Variants in TUBA4B observed in about 807,000 individuals in gnomAD.
TUBA4B encodes the protein tubulin alpha 4b, also known as tubulin-like protein alpha-4B.
TUBA4B carries 13 observed loss-of-function variants against 18.4 expected under a neutral mutation model. That is an observed-to-expected ratio of 0.71 (90% confidence interval 0.46 to 1.12). The LOEUF (loss-of-function observed/expected upper bound fraction) is 1.12. TUBA4B is among the 50% of genes most tolerant of loss of function. TUBA4B has a pLI of 0.00. For synonymous variants in TUBA4B, 101 were observed against 99.1 expected (o/e 1.02, Z -0.11); for missense variants, 244 against 250.0 (o/e 0.98, Z 0.16).
At chr2:219,254,040 C>T in intron 1 of TUBA4B, 3 of 544,566 alleles carry the variant, frequency 5.5e-6, no homozygotes, top group Non-Finnish European at 9.2e-6. Flanking sequence ...AGCGGCCCCC[C>T]CGAGGGGCGG....
Position 219,271,294 on chromosome 2 carries a change from A to G in TUBA4B, c.321A>G (p.Gly107=). The G allele has an allele frequency of 6.4e-7, 1 of 1,551,958 alleles. No homozygotes were observed. The highest frequency in any genetic ancestry group is 8.9e-7 in the Non-Finnish European group (1 of 1,123,640). ...ACTATGGCAAGAAATCCAAGCTGGG[A>G]TTCTCCATCTACCCAGCCCCCCAGG... ...SVNYGKKSKL[G]FSIYPAPQVS... is the part of the protein sequence containing the mutation. Residue 107 remains glycine (G), a synonymous_variant, in exon 4 of 4, where the codon GGA becomes GGG. Coordinates refer to ENST00000490341, the MANE Select transcript of TUBA4B (RefSeq NM_001355221.1).
At chr2:219,255,659 C>G (rs1410054779) in intron 1 of TUBA4B, among the ~76,000 whole-genome samples, 1 of 152,206 alleles carries the variant, frequency 6.6e-6, no homozygotes, top group African/African-American at 2.4e-5. Context: ...CCTGAGCAAC[C>G]ACCCCAGCCT....
At chr2:219,267,569 G>A (rs1559281643) in intron 2 of TUBA4B, among the ~76,000 whole-genome samples, 1 of 150,946 alleles carries the variant, frequency 6.6e-6, no homozygotes, top group African/African-American at 2.4e-5. Flanking sequence ...CAGAGGCTGA[G>A]TTCTTTTTTT....
At chr2:219,266,938 C>T (rs943459427) in intron 2 of TUBA4B, among the ~76,000 whole-genome samples, 2 of 152,118 alleles carry the variant, frequency 1.3e-5, no homozygotes, top group Non-Finnish European at 2.9e-5. Context: ...GGCCTTGCCA[C>T]AGGTTCACTG....
chr2:219,255,419 G>C (rs1296288114), intron 1 of TUBA4B, among the ~76,000 whole-genome samples: 1 of 152,134 alleles, frequency 6.6e-6, no homozygotes, highest in East Asian at 1.9e-4. Context: ...TTTTAGTAGA[G>C]ACGGGGTTTC....
intron 1 of TUBA4B, among the ~76,000 whole-genome samples, chr2:219,256,102 T>A (rs984063250): frequency 2.0e-5 from 3 of 152,376 alleles, no homozygotes; most frequent in African/African-American, 7.2e-5. Context: ...TTTTTCCTTG[T>A]GCTCTCCTAT....
At chr2:219,254,057 G>A in intron 1 of TUBA4B, 1 of 487,748 alleles carries the variant, frequency 2.1e-6, no homozygotes, top group Non-Finnish European at 3.6e-6. Flanking sequence ...GCGGAGCCTG[G>A]CCTGGTACCC....
In TUBA4B at chr2:219,258,118, C is replaced by T. The variant is rs1260273877; in HGVS notation, c.12+4699C>T. Among the ~76,000 whole-genome samples, 12 of 151,224 alleles carry T rather than the reference C, an allele frequency of 7.9e-5. No individual in the cohort carries two copies. The South Asian group carries it at 8.3e-4, about 10-fold the overall frequency. Reference sequence around the variant, plus strand: ...AAGCGATTCTGCTGCCTCAAAGTCCCGAGTAGCTGGGATTACAGGTGCACA... The same window carrying T: ...AAGCGATTCTGCTGCCTCAAAGTCCTGAGTAGCTGGGATTACAGGTGCACA... On this transcript the variant is annotated intron_variant, in intron 1 of 3. Coordinates refer to ENST00000490341, the MANE Select transcript of TUBA4B (RefSeq NM_001355221.1).
chr2:219,270,213 C>A lies in TUBA4B; in HGVS notation c.70C>A (p.Gln24Lys). Reference protein sequence around the residue: ...PLSRQHGTYRQIFHPEQLITG... With the variant: ...PLSRQHGTYRKIFHPEQLITG... ...TGAACTTTGAACAGGCACATACCGC[C>A]AGATCTTCCATCCAGAGCAGCTCAT... Residue 24 changes from glutamine (Q) to lysine (K), a missense_variant, in exon 3 of 4, where the codon CAG becomes AAG. Physicochemically the swap from Gln to Lys is moderately conservative, Grantham distance 53. Transcript: ENST00000490341. The A allele has an allele frequency of 1.3e-6, 1 of 757,174 alleles. No individual in the cohort carries two copies. Among genetic ancestry groups the A allele is most frequent in the East Asian group, 2.5e-5 (1 of 40,752 alleles). 46.9% of individuals were successfully genotyped at this position (757,174 alleles called of 1,614,324 possible).
intron 1 of TUBA4B, 117 bp downstream of exon 1, chr2:219,253,536 C>G: frequency 1.1e-6 from 1 of 889,706 alleles, no homozygotes; most frequent in East Asian, 2.6e-5. Context: ...GCGGAAAGGA[C>G]GGGGCGCGGG....
Position 219,253,424 on chromosome 2 carries a change from C to A in TUBA4B, c.12+5C>A. ...GAAAGGGGGATGCGGCACCAGGTAA[C>A]CTGACCCCTTCCACCTTCTAGCGCC... On this transcript the variant is annotated splice_donor_5th_base_variant and intron_variant, in intron 1 of 3. Transcript: ENST00000490341. The A allele has an allele frequency of 6.6e-7, 1 of 1,519,842 alleles. No homozygotes were observed. Among genetic ancestry groups the A allele is most frequent in the Non-Finnish European group, 8.8e-7 (1 of 1,132,124 alleles). 94.1% of individuals were successfully genotyped at this position (1,519,842 alleles called of 1,614,324 possible).
intron 1 of TUBA4B, among the ~76,000 whole-genome samples, chr2:219,263,898 T>C (rs1237111172): frequency 2.0e-5 from 3 of 152,188 alleles, no homozygotes; most frequent in African/African-American, 7.2e-5. Context: ...GTGGCTGAAA[T>C]TTCACATTAG....
intron 2 of TUBA4B, 92 bp from the exon 3 acceptor site, chr2:219,270,110 C>A: frequency 1.5e-6 from 1 of 658,938 alleles, no homozygotes; most frequent in Non-Finnish European, 2.8e-6. Flanking sequence ...CCGGTGACCC[C>A]ACTCCCTTCA....
chr2:219,259,254 G>A (rs1480639223), intron 1 of TUBA4B, among the ~76,000 whole-genome samples: 1 of 150,862 alleles, frequency 6.6e-6, no homozygotes, highest in Non-Finnish European at 1.5e-5. Flanking sequence ...TGGCGGCAGA[G>A]GTTGTAGTGA....
chr2:219,259,176 C>T (rs1030361974), intron 1 of TUBA4B, among the ~76,000 whole-genome samples: 3 of 150,152 alleles, frequency 2.0e-5, no homozygotes, highest in Admixed American at 6.6e-5. Flanking sequence ...ATAAATTATC[C>T]GGGCATGGTG....
chr2:219,264,345 A>G (rs1206628516), intron 1 of TUBA4B, among the ~76,000 whole-genome samples: 1 of 152,066 alleles, frequency 6.6e-6, no homozygotes, highest in African/African-American at 2.4e-5. Flanking sequence ...CTGTAATCCA[A>G]GCTACTCAGG....
At chr2:219,269,629 TGAGTGCATCTCAGTCCACGTG>T (rs1205777921) in intron 2 of TUBA4B, among the ~76,000 whole-genome samples, 5 of 152,174 alleles carry the variant, frequency 3.3e-5, no homozygotes, top group African/African-American at 9.7e-5. Flanking sequence ...CCACTCAGTG[TGAGTGCATCTCAGTCCACGTG>T]GGGCAGGCCG....
intron 1 of TUBA4B, chr2:219,254,185 G>A (rs1951696556): frequency 6.9e-6 from 2 of 288,494 alleles, no homozygotes; most frequent in East Asian, 1.2e-4. Context: ...GGGCCTCCGC[G>A]GAGATGCAGG....
At chr2:219,261,890 C>T (rs1187758699) in intron 1 of TUBA4B, among the ~76,000 whole-genome samples, 4 of 152,238 alleles carry the variant, frequency 2.6e-5, no homozygotes, top group South Asian at 2.1e-4. Flanking sequence ...CCTTTCCTCA[C>T]TCTGGGTTTT....
Sources: gnomAD v4.1 joint callset for allele counts (sites outside exome capture counted in the v4.1 genomes callset) on GRCh38, gnomAD v4.1.1 for gene constraint, MANE v1.5 for transcripts, NCBI Gene and HGNC (gene_info 2026-07-23, HGNC 2026-07-21) for gene names.